The following RHBDD1 variants were observed in gnomAD, a reference collection of about 807,000 sequenced individuals.
RHBDD1 encodes the protein rhomboid domain containing 1.
RHBDD1 carries 38 observed loss-of-function variants against 36.3 expected under a neutral mutation model. That is an observed-to-expected ratio of 1.05 (90% CI 0.81 to 1.37). RHBDD1 has a LOEUF of 1.37. Ranked by LOEUF, RHBDD1 falls within the 40% of genes most tolerant of loss-of-function variation. RHBDD1 has a pLI of 0.00. For missense variants in RHBDD1, 393 were observed against 377.6 expected (o/e 1.04, Z -0.34); for synonymous variants, 151 against 136.5 (o/e 1.11, Z -0.74).
chr2:226,823,132 A>G, the RHBDD1 span, among the ~76,000 whole-genome samples: 2 of 152,134 alleles, frequency 1.3e-5, no homozygotes, highest in African/African-American at 4.8e-5. Context: ...GTCTCAAAAT[A>G]AAAGAACCCT....
intron 3 of RHBDD1, among the ~76,000 whole-genome samples, chr2:226,862,370 TTAACTCTAA>T (rs1559205263): frequency 6.6e-6 from 1 of 151,812 alleles, no homozygotes; most frequent in African/African-American, 2.4e-5. Flanking sequence ...TTTTTTTTTT[TTAACTCTAA>T]AACTCATGCA....
intron 3 of RHBDD1, among the ~76,000 whole-genome samples, chr2:226,844,292 C>T (rs1352236565): frequency 6.6e-6 from 1 of 151,572 alleles, no homozygotes; most frequent in Non-Finnish European, 1.5e-5. Flanking sequence ...CGCCCCCCGG[C>T]CCCTTGCCAA....
intron 8 of RHBDD1, among the ~76,000 whole-genome samples, chr2:226,936,988 C>T (rs1271245258): frequency 6.6e-6 from 1 of 151,988 alleles, no homozygotes; most frequent in African/African-American, 2.4e-5. Context: ...ACTTCAGCAA[C>T]CATGATTCCC....
In RHBDD1 at chr2:226,998,515, A is replaced by T. The variant is rs1029807055; in HGVS notation, c.*2993A>T. The T allele has an allele frequency of 3.9e-5, 6 of 152,226 alleles. No individual in the cohort carries two copies. Among genetic ancestry groups the T allele is most frequent in the South Asian group, 2.1e-4 (1 of 4,824 alleles). The allele number at this position is 152,226 out of a possible 1,614,324, so 9.4% of individuals were successfully genotyped here. ...AAGAATAGCATTCAATTAGTCAAAA[A>T]ATATATATATAACTTCTTCCTTTCC... is the stretch of plus-strand genomic sequence containing the variant. On this transcript the variant is annotated 3_prime_UTR_variant, in exon 9 of 9. Transcript: ENST00000392062.
At chr2:226,888,568 C>T (rs182570521) in intron 5 of RHBDD1, among the ~76,000 whole-genome samples, 39 of 151,824 alleles carry the variant, frequency 2.6e-4, no homozygotes, top group Admixed American at 2.1e-3. Flanking sequence ...TTCATTGACT[C>T]ATTTGTCCTA....
chr2:226,821,514 TTTTTATTTTAATAA>T, the RHBDD1 span, among the ~76,000 whole-genome samples: 8 of 151,904 alleles, frequency 5.3e-5, no homozygotes, highest in Admixed American at 1.3e-4. Flanking sequence ...TGCTCTAATT[TTTTTATTTTAATAA>T]TTATTTATTA....
chr2:226,930,821 C>T (rs1949986626), intron 8 of RHBDD1, among the ~76,000 whole-genome samples: 1 of 151,736 alleles, frequency 6.6e-6, no homozygotes, highest in Non-Finnish European at 1.5e-5. Flanking sequence ...AAAAACTGGG[C>T]AAATGACATG....
chr2:226,832,998 A>T (rs1940780257), upstream of RHBDD1, among the ~76,000 whole-genome samples: 1 of 152,208 alleles, frequency 6.6e-6, no homozygotes, highest in Non-Finnish European at 1.5e-5. Context: ...AGAAAAAAGA[A>T]AAAGAAATTT....
chr2:226,867,400 A>T, intron 5 of RHBDD1, 82 bp downstream of exon 5: 1 of 1,408,512 alleles, frequency 7.1e-7, no homozygotes, highest in Admixed American at 2.3e-5. Flanking sequence ...TGAGGTAACC[A>T]ATTGTTTTTC....
intron 8 of RHBDD1, among the ~76,000 whole-genome samples, chr2:226,923,608 A>G (rs1488663027): frequency 6.6e-6 from 1 of 151,956 alleles, no homozygotes; most frequent in Admixed American, 6.6e-5. Flanking sequence ...TAAACTTTCT[A>G]CTTCTATCCC....
rs1361076837 is a variant in RHBDD1, at chr2:226,861,466, T to C, written c.-90-3138T>C. 2.0e-5 allele frequency among the ~76,000 whole-genome samples: 3 copies of C among 152,326 alleles called. No individual in the cohort carries two copies. In the East Asian group the frequency reaches 5.8e-4, roughly 29 times the overall value. On this transcript the variant is annotated intron_variant, in intron 3 of 8. Transcript: ENST00000392062. Reference sequence around the variant, plus strand: ...CACAGTGTGAAGTAAGACTGGGAATTCTGTCCTTTTATCTATATTCTTCAT... The same window carrying C: ...CACAGTGTGAAGTAAGACTGGGAATCCTGTCCTTTTATCTATATTCTTCAT...
At chr2:226,974,492 C>T (rs1225139845) in intron 8 of RHBDD1, among the ~76,000 whole-genome samples, 2 of 152,184 alleles carry the variant, frequency 1.3e-5, no homozygotes, top group Non-Finnish European at 2.9e-5. Context: ...AGGTCTTGGC[C>T]TCCCAAAGTG....
intron 3 of RHBDD1, among the ~76,000 whole-genome samples, chr2:226,857,786 GTGAC>G (rs917466114): frequency 1.1e-4 from 17 of 152,286 alleles, no homozygotes; most frequent in East Asian, 1.9e-4. Flanking sequence ...TAGGTGGGAA[GTGAC>G]TGACTGACTG....
intron 7 of RHBDD1, among the ~76,000 whole-genome samples, chr2:226,911,755 C>T (rs1327705594): frequency 6.6e-6 from 1 of 151,724 alleles, no homozygotes. Context: ...CAGTTTTAAG[C>T]CATTGTGAGG....
At chr2:226,850,672 C>A (rs1026388793) in intron 3 of RHBDD1, among the ~76,000 whole-genome samples, 1 of 152,068 alleles carries the variant, frequency 6.6e-6, no homozygotes, top group African/African-American at 2.4e-5. Flanking sequence ...AAGTTCTAAT[C>A]CATAGGAAAT....
At chr2:226,884,436 G>A (rs554525740) in intron 5 of RHBDD1, among the ~76,000 whole-genome samples, 1 of 152,216 alleles carries the variant, frequency 6.6e-6, no homozygotes, top group East Asian at 1.9e-4. Context: ...TAGCTTATAT[G>A]AGAGATAAAA....
intron 5 of RHBDD1, chr2:226,869,212 A>G (rs1944581691): frequency 1.0e-6 from 1 of 982,970 alleles, no homozygotes. Flanking sequence ...TTGTGGAGGC[A>G]CCGGTAATTC....
Position 226,906,840 on chromosome 2 carries a change from A to G in RHBDD1, c.614A>G (p.Tyr205Cys), listed in dbSNP as rs748478711. The change falls in exon 6 of 9, where the codon TAC (tyrosine) becomes TGC (cysteine). Residue 205 changes from tyrosine (Y) to cysteine (C), a missense_variant. Physicochemically the swap from Tyr to Cys is radical, Grantham distance 194 (BLOSUM62 -2). Transcript: ENST00000392062. ...GCTGGGATTCTTGTTGGACTAATGT[A>G]CACTCAAGGGCCTCTGAAGAAAATC... is the stretch of plus-strand genomic sequence containing the variant. ...HLAGILVGLMYTQGPLKKIME... is the reference protein window; with the variant it reads ...HLAGILVGLMCTQGPLKKIME... 6.2e-7 allele frequency: 1 copy of G among 1,614,118 alleles called. No individual in the cohort carries two copies.
At chr2:226,848,255 C>A (rs1266352870) in intron 3 of RHBDD1, among the ~76,000 whole-genome samples, 2 of 152,044 alleles carry the variant, frequency 1.3e-5, no homozygotes, top group African/African-American at 4.8e-5. Context: ...AAAACAGTTA[C>A]AATTGATGTA....
Sources: allele counts gnomAD v4.1 joint callset (sites outside exome capture counted in the v4.1 genomes callset), GRCh38; gene constraint gnomAD v4.1.1; transcripts MANE v1.5; gene names NCBI Gene and HGNC (gene_info 2026-07-23, HGNC 2026-07-21).